The following MOV10L1 variants were observed in gnomAD, a reference collection of about 807,000 sequenced individuals.
MOV10L1 encodes Mov10 like RNA helicase 1.
A neutral mutation model predicts 143.8 loss-of-function variants in MOV10L1; 110 were observed. The ratio of observed to expected loss-of-function variants is 0.76; its 90% CI spans 0.66 to 0.90. MOV10L1 has a LOEUF of 0.90. Among genes scored for constraint, MOV10L1 ranks in the 40% least tolerant of loss-of-function variants. The probability of loss-of-function intolerance (pLI) is 0.00; values close to 1 mark genes in which losing one functional copy is unlikely to be tolerated. For missense variants in MOV10L1, 1,406 were observed against 1,526.8 expected, an observed-to-expected ratio of 0.92 and a Z score of 1.32; for synonymous variants, 593 against 581.1, an observed-to-expected ratio of 1.02 and a Z score of -0.29.
chr22:50,121,470 A>G (rs1427211800), intron 10 of MOV10L1, among the ~76,000 whole-genome samples: 1 of 152,108 alleles, frequency 6.6e-6, no homozygotes, highest in African/African-American at 2.4e-5. Context: ...GCCCAAACTT[A>G]TGTTCCCCAA....
intron 2 of MOV10L1, chr22:50,096,216 A>G (rs537419948): frequency 6.6e-5 from 10 of 152,174 alleles, no homozygotes; most frequent in Non-Finnish European, 1.3e-4. Flanking sequence ...GTTCTACTTT[A>G]TGTCTCTATG....
Position 50,159,883 on chromosome 22 carries a change from A to G in MOV10L1, c.3324+98A>G. The G allele has an allele frequency of 1.3e-6, 1 of 755,138 alleles. No homozygotes were observed. Among genetic ancestry groups the G allele is most frequent in the Non-Finnish European group, 2.2e-6 (1 of 448,570 alleles). The allele number at this position is 755,138 out of a possible 1,614,324, so 46.8% of individuals were successfully genotyped here. A position where few individuals can be genotyped will look rare whatever the true frequency, so the allele number is the denominator to read the frequency against. On this transcript the variant is annotated intron_variant, in intron 24 of 26. Transcript: ENST00000262794. This position sits in a 1 kb window ranked among gnomAD's most constrained non-coding sequence, Gnocchi z 4.1. Reference sequence around the variant, plus strand: ...TCTAAAGGGGCAGAGGCTGATTCCCAGCCCAGAGAAGCAGCTGCAGGCGGA... The same window carrying G: ...TCTAAAGGGGCAGAGGCTGATTCCCGGCCCAGAGAAGCAGCTGCAGGCGGA...
intron 15 of MOV10L1, among the ~76,000 whole-genome samples, chr22:50,139,663 A>T (rs2062927056): frequency 6.6e-6 from 1 of 152,220 alleles, no homozygotes; most frequent in African/African-American, 2.4e-5. Context: ...ATATGAAAGT[A>T]CTCTACAAAC....
At chr22:50,134,720 G>C (rs997931018) in intron 15 of MOV10L1, 90 bp downstream of exon 15, 25 of 1,101,954 alleles carry the variant, frequency 2.3e-5, no homozygotes, top group Non-Finnish European at 3.4e-5. Context: ...CGGCGTGACT[G>C]TCTCTACACA....
chr22:50,136,434 A>G (rs1013645174), intron 15 of MOV10L1, among the ~76,000 whole-genome samples: 1 of 152,294 alleles, frequency 6.6e-6, no homozygotes, highest in African/African-American at 2.4e-5. Context: ...TTCAGGGACC[A>G]GATTTATCTT....
chr22:50,149,330 G>A (rs999892338), intron 19 of MOV10L1: 2 of 405,038 alleles, frequency 4.9e-6, no homozygotes, highest in Non-Finnish European at 9.0e-6. Flanking sequence ...GCCCCCAGGA[G>A]GCGCTCGTGT....
At chr22:50,102,987 A>G (rs13056619) in intron 3 of MOV10L1, among the ~76,000 whole-genome samples, 22,368 of 151,998 alleles carry the variant, frequency 0.15, 1,913 homozygotes, top group Admixed American at 0.27. Flanking sequence ...GGTGGTTTGG[A>G]GTTCCTTCCT....
At chr22:50,136,162 T>C (rs1385236068) in intron 15 of MOV10L1, among the ~76,000 whole-genome samples, 1 of 152,184 alleles carries the variant, frequency 6.6e-6, no homozygotes, top group Non-Finnish European at 1.5e-5. Flanking sequence ...TTGATCTCTT[T>C]TTTGTTCTGC....
chr22:50,156,130 T>C, intron 22 of MOV10L1, among the ~76,000 whole-genome samples: 1 of 152,108 alleles, frequency 6.6e-6, no homozygotes, highest in Non-Finnish European at 1.5e-5. Context: ...TTTTTTTTTT[T>C]TTTAGACAGT....
intron 12 of MOV10L1, among the ~76,000 whole-genome samples, chr22:50,126,955 G>C (rs778403187): frequency 2.0e-5 from 3 of 152,212 alleles, no homozygotes; most frequent in Non-Finnish European, 4.4e-5. Flanking sequence ...CCTTCATGCA[G>C]GGTCCATGCT....
At chr22:50,115,346 C>T (rs1195081865) in intron 8 of MOV10L1, 100 bp downstream of exon 8, 2 of 1,326,684 alleles carry the variant, frequency 1.5e-6, no homozygotes, top group African/African-American at 3.1e-5. Flanking sequence ...GGGTGGATCA[C>T]CTGAGACCAG....
In MOV10L1 at chr22:50,115,970, G is replaced by T. The variant is rs76954766; in HGVS notation, c.1259+724G>T. ...AACCTTGAGCCCTTCGCTCTCCCTGGTGTGGTTGGTTACATCAGCTGACCA... is the reference window on the plus strand; with the variant it reads ...AACCTTGAGCCCTTCGCTCTCCCTGTTGTGGTTGGTTACATCAGCTGACCA... On this transcript the variant is annotated intron_variant, in intron 8 of 26. Transcript: ENST00000262794. Among the ~76,000 whole-genome samples the T allele has an allele frequency of 1.2e-4, 18 of 152,288 alleles. No individual in the cohort carries two copies. The East Asian group carries it at 3.5e-3, about 29-fold the overall frequency.
Position 50,113,645 on chromosome 22 carries a change from C to T in MOV10L1, c.744-3C>T. ...GGATGTCTTTCTGGGGCTCTTTTTT[C>T]AGAGACGCCGCCCCTGTTCATGAGG... On this transcript the variant is annotated splice_region_variant and splice_polypyrimidine_tract_variant and intron_variant, in intron 5 of 26. Coordinates refer to ENST00000262794, the MANE Select transcript of MOV10L1 (RefSeq NM_018995.3). The T allele has an allele frequency of 3.1e-6, 5 of 1,611,362 alleles. No homozygotes were observed. The highest frequency in any genetic ancestry group is 4.2e-6 in the Non-Finnish European group (5 of 1,179,148).
Position 50,150,745 on chromosome 22 carries a change from C to A in MOV10L1, c.2738C>A (p.Ala913Glu). 1 of 1,613,850 alleles carries A rather than the reference C, an allele frequency of 6.2e-7. No homozygotes were observed. The highest frequency in any genetic ancestry group is 8.5e-7 in the Non-Finnish European group (1 of 1,179,930). ...MSDISGQIVL[A>E]GDPMQLGPVI... ...GCCCTCTGTGTGCAGATCGTGCTGGCAGGAGACCCCATGCAGCTCGGCCCA... is the reference window on the plus strand; with the variant it reads ...GCCCTCTGTGTGCAGATCGTGCTGGAAGGAGACCCCATGCAGCTCGGCCCA... Residue 913 changes from alanine to glutamate, a missense_variant, in exon 21 of 27, where the codon GCA becomes GAA. Coordinates refer to ENST00000262794, the MANE Select transcript of MOV10L1 (RefSeq NM_018995.3).
chr22:50,092,178 C>CA lies in MOV10L1; in HGVS notation c.277dup (p.Ile93AsnfsTer8). On this transcript the variant is annotated frameshift_variant, in exon 2 of 27. Transcript: ENST00000262794. LOFTEE classifies it high-confidence loss of function. ...AATAAAGTGTCCAATGGACTGAAAGCAATCAGGGTAAGGTTTGAGTTCATT... is the reference window on the plus strand; with the variant it reads ...AATAAAGTGTCCAATGGACTGAAAGCAAATCAGGGTAAGGTTTGAGTTCATT... 1 of 1,613,486 alleles carries CA rather than the reference C, an allele frequency of 6.2e-7. No homozygotes were observed. Among genetic ancestry groups the CA allele is most frequent in the Non-Finnish European group, 8.5e-7 (1 of 1,179,704 alleles).
intron 15 of MOV10L1, among the ~76,000 whole-genome samples, chr22:50,140,300 G>A (rs763640353): frequency 1.2e-4 from 18 of 152,208 alleles, no homozygotes; most frequent in Non-Finnish European, 2.2e-4. Flanking sequence ...GGACTGACAG[G>A]TCTATTTGTC....
intron 1 of MOV10L1, 67 bp from the exon 2 acceptor site, chr22:50,091,934 G>T: frequency 2.0e-6 from 3 of 1,488,418 alleles, no homozygotes; most frequent in Non-Finnish European, 2.7e-6. Flanking sequence ...GCCTTTCTCT[G>T]GTGGGGTTCA....
chr22:50,137,358 T>C (rs556851890), intron 15 of MOV10L1, among the ~76,000 whole-genome samples: 1 of 152,260 alleles, frequency 6.6e-6, no homozygotes, highest in South Asian at 2.1e-4. Context: ...AAAAATTCAA[T>C]GCCTAGAATG....
rs1279109662 is a variant in MOV10L1 at position 50,158,387 on chromosome 22, G to C, written c.3216+181G>C. On this transcript the variant is annotated intron_variant, in intron 23 of 26. Transcript: ENST00000262794. The surrounding 1 kb of genome is among the most constrained non-coding windows in gnomAD (Gnocchi z 5.0). Reference sequence around the variant, plus strand: ...TCACCCAACTGCCATCCATGGGCCAGTTCCGGGCAGCTGCCAGCTTTTCTA... The same window carrying C: ...TCACCCAACTGCCATCCATGGGCCACTTCCGGGCAGCTGCCAGCTTTTCTA... 1.5e-6 allele frequency: 1 copy of C among 666,148 alleles called. No individual in the cohort carries two copies. Among genetic ancestry groups the C allele is most frequent in the Non-Finnish European group, 2.4e-6 (1 of 412,846 alleles). 41.3% of individuals were successfully genotyped at this position (666,148 alleles called of 1,614,324 possible).
Sources: gnomAD v4.1 joint callset for allele counts (sites outside exome capture counted in the v4.1 genomes callset) on GRCh38, gnomAD v4.1.1 for gene constraint, Gnocchi (gnomAD v3.1) non-coding constraint, MANE v1.5 for transcripts, NCBI Gene and HGNC (gene_info 2026-07-23, HGNC 2026-07-21) for gene names.